CMTM4: variants seen among roughly 807,000 people sequenced by gnomAD.
The protein encoded by CMTM4 is CKLF-like MARVEL transmembrane domain-containing protein 4.
A neutral mutation model predicts 19.0 loss-of-function variants in CMTM4; 8 were observed. That is an observed-to-expected ratio of 0.42 (90% confidence interval 0.25 to 0.76). CMTM4 has a LOEUF of 0.76. Ranked by LOEUF, CMTM4 falls within the 30% of genes least tolerant of loss-of-function variation. The probability of loss-of-function intolerance (pLI) is 0.27; values close to 1 mark genes in which losing one functional copy is unlikely to be tolerated. For synonymous variants in CMTM4, 106 were observed against 121.1 expected (o/e 0.88, Z 0.82); for missense variants, 228 against 290.2 (o/e 0.79, Z 1.56).
At chr16:66,626,651 T>C (rs1227218412) in intron 2 of CMTM4, among the ~76,000 whole-genome samples, 1 of 151,438 alleles carries the variant, frequency 6.6e-6, no homozygotes, top group East Asian at 1.9e-4. Context: ...ATGCCTGTAG[T>C]CCCAGCTACT....
chr16:66,645,111 C>T (rs910682092), intron 1 of CMTM4, among the ~76,000 whole-genome samples: 2 of 151,800 alleles, frequency 1.3e-5, no homozygotes, highest in Non-Finnish European at 2.9e-5. Context: ...TGGTGAAACC[C>T]AGTCTCTACT....
chr16:66,654,191 A>AT (rs1468821652), intron 1 of CMTM4, among the ~76,000 whole-genome samples: 1 of 152,166 alleles, frequency 6.6e-6, no homozygotes, highest in Non-Finnish European at 1.5e-5. Context: ...ATGGTTTTTA[A>AT]TCCCCATCCT....
the CMTM4 span, chr16:66,608,539 TG>T: frequency 6.8e-7 from 1 of 1,473,100 alleles, no homozygotes; most frequent in Non-Finnish European, 9.3e-7. This position sits in a 1 kb window ranked among gnomAD's most constrained non-coding sequence, Gnocchi z 5.1. Flanking sequence ...GTCGTGCACT[TG>T]GGCCCTTATC....
chr16:66,601,463 C>T, the CMTM4 span, among the ~76,000 whole-genome samples: 1 of 152,176 alleles, frequency 6.6e-6, no homozygotes, highest in African/African-American at 2.4e-5. Context: ...CTGGCTGAGA[C>T]TGGGGCTTTT....
chr16:66,620,673 T>G lies in CMTM4; in HGVS notation c.*1385A>C, dbSNP rs2015614931. 3 of 985,828 alleles carry G rather than the reference T, an allele frequency of 3.0e-6. No homozygotes were observed. The highest frequency in any genetic ancestry group is 9.4e-5 in the South Asian group (2 of 21,286). The allele number at this position is 985,828 out of a possible 1,614,324, so 61.1% of individuals were successfully genotyped here. A position where few individuals can be genotyped will look rare whatever the true frequency, so the allele number is the denominator to read the frequency against. On this transcript the variant is annotated 3_prime_UTR_variant, in exon 4 of 4. Transcript: ENST00000394106. ...GATCTTGGGGATTTCTCCATGTTAC[T>G]GCAAAATCTTCCTGCCACAGTAAGT... is the stretch of plus-strand genomic sequence containing the variant.
chr16:66,636,340 C>T, intron 2 of CMTM4, 65 bp downstream of exon 2: 2 of 1,345,986 alleles, frequency 1.5e-6, no homozygotes, highest in Non-Finnish European at 2.1e-6. Flanking sequence ...GGAGAGATTC[C>T]AGCTTTTCCT....
Position 66,622,182 on chromosome 16 carries a change from G to GTGT in CMTM4, c.500_502dup (p.Asn167dup). The GTGT allele has an allele frequency of 1.2e-6, 2 of 1,614,012 alleles. No individual in the cohort carries two copies. Among genetic ancestry groups the GTGT allele is most frequent in the Non-Finnish European group, 1.7e-6 (2 of 1,179,992 alleles). ...TCTCCATTTCTGCACTGCCAGGAAT[G>GTGT]TGTTCACTGCATATGCCGCAGTCGC... On this transcript the variant is annotated inframe_insertion, in exon 4 of 4. Transcript: ENST00000394106. This position sits in a 1 kb window ranked among gnomAD's most constrained non-coding sequence, Gnocchi z 4.0.
intron 1 of CMTM4, among the ~76,000 whole-genome samples, chr16:66,692,351 A>C (rs1247288690): frequency 6.6e-6 from 1 of 152,068 alleles, no homozygotes; most frequent in Non-Finnish European, 1.5e-5. Context: ...CGGACTCCCA[A>C]AGTGCTGGCA....
At chr16:66,666,180 C>T (rs897918134) in intron 1 of CMTM4, among the ~76,000 whole-genome samples, 5 of 150,836 alleles carry the variant, frequency 3.3e-5, no homozygotes, top group Admixed American at 2.6e-4. Flanking sequence ...AGGCCAGGTG[C>T]GGTGGCTCAC....
intron 1 of CMTM4, among the ~76,000 whole-genome samples, chr16:66,651,826 T>C (rs896835464): frequency 6.6e-6 from 1 of 152,230 alleles, no homozygotes; most frequent in African/African-American, 2.4e-5. Flanking sequence ...ATGAGGATGA[T>C]AAACTTAAAA....
At chr16:66,638,320 C>T (rs1002214499) in intron 1 of CMTM4, among the ~76,000 whole-genome samples, 47 of 152,226 alleles carry the variant, frequency 3.1e-4, no homozygotes, top group Admixed American at 3.1e-3. Flanking sequence ...ATCTACAATT[C>T]CTGGTTGCCT....
At chr16:66,599,923 C>T in the CMTM4 span, among the ~76,000 whole-genome samples, 1 of 152,086 alleles carries the variant, frequency 6.6e-6, no homozygotes, top group Non-Finnish European at 1.5e-5. Context: ...TTTCAGTAGA[C>T]ATGCAGTAGT....
intron 1 of CMTM4, among the ~76,000 whole-genome samples, chr16:66,659,200 C>T (rs762289745): frequency 1.2e-4 from 18 of 151,870 alleles, no homozygotes; most frequent in Non-Finnish European, 2.2e-4. Flanking sequence ...GCCAATATTG[C>T]GTTGTCACTA....
chr16:66,683,161 GTATATATATATATACA>G (rs1491447885), intron 1 of CMTM4, among the ~76,000 whole-genome samples: 1 of 81,500 alleles, frequency 1.2e-5, no homozygotes. Flanking sequence ...ATATATATAC[GTATATATATATATACA>G]TATGTATATA....
intron 1 of CMTM4, among the ~76,000 whole-genome samples, chr16:66,687,288 T>C (rs1255579424): frequency 6.6e-6 from 1 of 152,158 alleles, no homozygotes; most frequent in African/African-American, 2.4e-5. Context: ...ACAGTCAGTA[T>C]ATGAGCTTTA....
chr16:66,623,727 C>A (rs2015682481), intron 2 of CMTM4, among the ~76,000 whole-genome samples: 1 of 152,206 alleles, frequency 6.6e-6, no homozygotes, highest in Non-Finnish European at 1.5e-5. Flanking sequence ...TTTTCACCAA[C>A]CCCACTACCC....
At chr16:66,613,577 A>G (rs1469245376), downstream of CMTM4, 1 of 155,728 alleles carries the variant, frequency 6.4e-6, no homozygotes. Context: ...GTAACTTTTT[A>G]TATTTTTTTA....
chr16:66,684,025 T>C (rs1276172017), intron 1 of CMTM4, among the ~76,000 whole-genome samples: 5 of 152,196 alleles, frequency 3.3e-5, no homozygotes, highest in Non-Finnish European at 7.4e-5. Flanking sequence ...TGAAAGCTCC[T>C]GATCAACCTG....
chr16:66,689,218 C>T (rs146525880), intron 1 of CMTM4, among the ~76,000 whole-genome samples: 1 of 152,310 alleles, frequency 6.6e-6, no homozygotes, highest in Non-Finnish European at 1.5e-5. Context: ...TGGGGGAAAG[C>T]ATTCATTCTT....
Sources: gnomAD v4.1 joint callset for allele counts (sites outside exome capture counted in the v4.1 genomes callset) on GRCh38, gnomAD v4.1.1 for gene constraint, Gnocchi (gnomAD v3.1) non-coding constraint, MANE v1.5 for transcripts, NCBI Gene and HGNC (gene_info 2026-07-23, HGNC 2026-07-21) for gene names.